The following THSD7B variants were observed in gnomAD, a reference collection of about 807,000 sequenced individuals.
THSD7B encodes the protein thrombospondin type-1 domain-containing protein 7B.
In THSD7B, 138 loss-of-function variants were observed where a neutral mutation model predicts 213.6. That is an observed-to-expected ratio of 0.65 (90% CI 0.56 to 0.74). THSD7B has a LOEUF of 0.74. Ranked by LOEUF, THSD7B falls within the 30% of genes least tolerant of loss-of-function variation. The pLI is 0.00. For synonymous variants in THSD7B, 742 were observed against 687.0 expected, an observed-to-expected ratio of 1.08 and a Z score of -1.25; for missense variants, 1,931 against 1,991.5, an observed-to-expected ratio of 0.97 and a Z score of 0.58.
At chr2:137,383,305 A>G (rs1573996275) in intron 12 of THSD7B, among the ~76,000 whole-genome samples, 1 of 151,830 alleles carries the variant, frequency 6.6e-6, no homozygotes, top group African/African-American at 2.4e-5. Flanking sequence ...GGGTGGTTGC[A>G]CGCCATAACC....
intron 12 of THSD7B, among the ~76,000 whole-genome samples, chr2:137,331,558 G>T (rs558069608): frequency 6.6e-6 from 1 of 152,240 alleles, no homozygotes; most frequent in Non-Finnish European, 1.5e-5. Context: ...AGTGGATCCA[G>T]CACTGGGGCT....
At chr2:137,307,063 C>A (rs1683767673) in intron 12 of THSD7B, among the ~76,000 whole-genome samples, 1 of 152,062 alleles carries the variant, frequency 6.6e-6, no homozygotes, top group Admixed American at 6.6e-5. Context: ...ATTTGGGGTT[C>A]ATTTATATTT....
chr2:137,478,756 A>G (rs1018750277), intron 15 of THSD7B, among the ~76,000 whole-genome samples: 2 of 152,150 alleles, frequency 1.3e-5, no homozygotes, highest in Non-Finnish European at 1.5e-5. Flanking sequence ...TATGGTGTCA[A>G]TTGTGTTGGG....
At chr2:136,943,065 T>C (rs1336507333) in intron 2 of THSD7B, among the ~76,000 whole-genome samples, 1 of 152,238 alleles carries the variant, frequency 6.6e-6, no homozygotes, top group Non-Finnish European at 1.5e-5. Flanking sequence ...CATGAAAGGC[T>C]GTTGAATTTT....
At chr2:137,062,779 G>A (rs1573797335) in intron 3 of THSD7B, among the ~76,000 whole-genome samples, 1 of 151,894 alleles carries the variant, frequency 6.6e-6, no homozygotes, top group South Asian at 2.1e-4. Flanking sequence ...TGTGTACTCT[G>A]CTGTAGTTGG....
At chr2:137,352,674 G>A (rs2104923193) in intron 12 of THSD7B, among the ~76,000 whole-genome samples, 2 of 152,048 alleles carry the variant, frequency 1.3e-5, no homozygotes, top group Middle Eastern at 6.8e-3. Flanking sequence ...CATATTGTAT[G>A]TCCCTGACAC....
intron 2 of THSD7B, among the ~76,000 whole-genome samples, chr2:136,931,828 T>C (rs926623205): frequency 2.0e-5 from 3 of 152,172 alleles, no homozygotes; most frequent in Non-Finnish European, 2.9e-5. Flanking sequence ...ATAACACTTA[T>C]AGTATATTGG....
intron 2 of THSD7B, among the ~76,000 whole-genome samples, chr2:136,997,123 A>G (rs1685906623): frequency 6.6e-6 from 1 of 152,208 alleles, no homozygotes; most frequent in African/African-American, 2.4e-5. Flanking sequence ...AAGGATTATT[A>G]TAAAGTTGAG....
intron 3 of THSD7B, among the ~76,000 whole-genome samples, chr2:137,085,810 A>G (rs1329167742): frequency 6.6e-6 from 1 of 152,212 alleles, no homozygotes; most frequent in Non-Finnish European, 1.5e-5. Flanking sequence ...CAAGTGTGGC[A>G]TAAAAACCAC....
intron 2 of THSD7B, among the ~76,000 whole-genome samples, chr2:137,010,061 C>T (rs957390001): frequency 6.6e-6 from 1 of 152,162 alleles, no homozygotes; most frequent in Non-Finnish European, 1.5e-5. Flanking sequence ...CCATCCTTCC[C>T]AGACCTAAGC....
intron 2 of THSD7B, among the ~76,000 whole-genome samples, chr2:136,994,596 C>A (rs1167891863): frequency 6.6e-6 from 1 of 152,006 alleles, no homozygotes; most frequent in Non-Finnish European, 1.5e-5. Context: ...GTTGAGAATT[C>A]CTGGGTGCTG....
chr2:137,219,916 C>T (rs1370233438), intron 7 of THSD7B, among the ~76,000 whole-genome samples: 1 of 152,122 alleles, frequency 6.6e-6, no homozygotes, highest in Non-Finnish European at 1.5e-5. Context: ...GTGCTAGACT[C>T]TCAGTTGTTA....
At chr2:137,042,657 T>C (rs1417974982) in intron 2 of THSD7B, among the ~76,000 whole-genome samples, 1 of 152,202 alleles carries the variant, frequency 6.6e-6, no homozygotes, top group African/African-American at 2.4e-5. Flanking sequence ...TAATAATATG[T>C]TATCTTCAGT....
rs150657202 is a variant in THSD7B, at chr2:137,616,261, G to C, written c.3510G>C (p.Gln1170His). 5.6e-6 allele frequency: 9 copies of C among 1,613,594 alleles called. No homozygotes were observed. In the African/African-American group the frequency reaches 1.2e-4, roughly 22 times the overall value. The change falls in exon 18 of 28, where the codon CAG (glutamine) becomes CAC (histidine). Residue 1170 changes from glutamine (Q) to histidine (H), a missense_variant. Transcript: ENST00000409968. ...CAAGGACTTGTGCTGAAGACTCACAGGTGCAGCCTTGCCTCCTGAATGAAA... is the reference window on the plus strand; with the variant it reads ...CAAGGACTTGTGCTGAAGACTCACACGTGCAGCCTTGCCTCCTGAATGAAA... The part of the protein sequence containing the change: ...LNSRTCAEDS[Q>H]VQPCLLNENC...
chr2:136,827,086 A>G (rs112113439), intron 1 of THSD7B, among the ~76,000 whole-genome samples: 15 of 152,320 alleles, frequency 9.8e-5, no homozygotes, highest in African/African-American at 3.6e-4. Context: ...AGTTTCTGTG[A>G]TTAGTGGTCA....
At chr2:137,078,992 C>G (rs1004444307) in intron 3 of THSD7B, among the ~76,000 whole-genome samples, 1 of 151,926 alleles carries the variant, frequency 6.6e-6, no homozygotes, top group Non-Finnish European at 1.5e-5. Context: ...TTTTGAGAAT[C>G]TACTGATGTT....
chr2:137,582,786 G>A (rs371896306), intron 17 of THSD7B, among the ~76,000 whole-genome samples: 8 of 152,174 alleles, frequency 5.3e-5, no homozygotes, highest in Middle Eastern at 6.8e-3. Flanking sequence ...TGTGAATACT[G>A]CCGCAATAAA....
Position 137,424,164 on chromosome 2 carries a change from A to G in THSD7B, c.2959+12292A>G, listed in dbSNP as rs565833152. ...TTATACCATGACAAAAATTAACAAA[A>G]TGAATCATAGACCTAAATGTAATAG... On this transcript the variant is annotated intron_variant, in intron 14 of 27. Coordinates refer to ENST00000409968, the MANE Select transcript of THSD7B (RefSeq NM_001316349.2). 4.6e-5 allele frequency among the ~76,000 whole-genome samples: 7 copies of G among 152,276 alleles called. No homozygotes were observed. In the South Asian group the frequency reaches 1.4e-3, roughly 32 times the overall value.
intron 2 of THSD7B, among the ~76,000 whole-genome samples, chr2:136,974,192 TA>T (rs932255172): frequency 6.6e-6 from 1 of 152,224 alleles, no homozygotes; most frequent in African/African-American, 2.4e-5. Context: ...TATACTGTTT[TA>T]CTTTAAAAAA....
Sources: allele counts gnomAD v4.1 joint callset (sites outside exome capture counted in the v4.1 genomes callset), GRCh38; gene constraint gnomAD v4.1.1; transcripts MANE v1.5; gene names NCBI Gene and HGNC (gene_info 2026-07-23, HGNC 2026-07-21).